Variants in MAOB observed in about 807,000 individuals in gnomAD.
MAOB encodes amine oxidase [flavin-containing] B.
A neutral mutation model predicts 41.9 loss-of-function variants in MAOB; 15 were observed. The ratio of observed to expected loss-of-function variants is 0.36; its 90% CI spans 0.24 to 0.55. The LOEUF (loss-of-function observed/expected upper bound fraction) is 0.55, where lower values mean the gene tolerates loss of function less well. MAOB is among the 20% of genes least tolerant of loss of function. The pLI, the probability that MAOB is intolerant of heterozygous loss-of-function variation, is 0.86. For missense variants in MAOB, 345 were observed against 398.7 expected (o/e 0.87, Z 1.15); for synonymous variants, 167 against 144.2 (o/e 1.16, Z -1.13).
intron 12 of MAOB, among the ~76,000 whole-genome samples, chrX:43,773,574 C>T (rs1440800029): frequency 1.8e-5 from 2 of 112,568 alleles, no homozygotes; most frequent in East Asian, 2.8e-4. Flanking sequence ...TACGATTTGG[C>T]TCTGTGTCCC....
At chrX:43,859,072 A>C (rs1408869804) in intron 1 of MAOB, among the ~76,000 whole-genome samples, 1 of 111,403 alleles carries the variant, frequency 9.0e-6, no homozygotes, top group African/African-American at 3.3e-5. Context: ...AAGTATCAGA[A>C]GAAGACCTGG....
rs2034116153 is a variant in MAOB, at chrX:43,766,678, G to C, written c.*788C>G. On this transcript the variant is annotated 3_prime_UTR_variant, in exon 15 of 15. Coordinates refer to ENST00000378069, the MANE Select transcript of MAOB (RefSeq NM_000898.5). ...GTCCTTTGTATGAAGATACAATGGA[G>C]GATACAAAAGGAAGAAGAGATAAAA... The C allele has an allele frequency of 8.9e-6, 1 of 111,736 alleles. No homozygotes were observed. The highest frequency in any genetic ancestry group is 1.9e-5 in the Non-Finnish European group (1 of 53,198). 9.2% of individuals were successfully genotyped at this position (111,736 alleles called of 1,213,427 possible).
At chrX:43,790,029 C>T (rs1177205492) in intron 8 of MAOB, among the ~76,000 whole-genome samples, 1 of 111,968 alleles carries the variant, frequency 8.9e-6, no homozygotes, top group Non-Finnish European at 1.9e-5. Context: ...CCAAGCCACA[C>T]TGAACTTGTG....
rs1402165831 is a variant in MAOB, at chrX:43,775,186, A to G, written c.1224T>C (p.Thr408=). 2.5e-6 allele frequency: 3 copies of G among 1,190,558 alleles called. No individual in the cohort carries two copies. In the African/African-American group the frequency reaches 5.4e-5, roughly 22 times the overall value. ...YTTYFPPGIL[T]QYGRVLRQPV... ...TGCTTTTACTCTACCTTCCATATTG[A>G]GTCAGGATCCCAGGGGGGAAATAAG... The change falls in exon 12 of 15, where the codon ACT becomes ACC. Residue 408 remains threonine (T), a synonymous_variant. Coordinates refer to ENST00000378069, the MANE Select transcript of MAOB (RefSeq NM_000898.5).
At chrX:43,860,620 C>G (rs2035325489) in intron 1 of MAOB, among the ~76,000 whole-genome samples, 2 of 111,651 alleles carry the variant, frequency 1.8e-5, no homozygotes, top group Non-Finnish European at 3.8e-5. Context: ...TCTTGCCTTT[C>G]TAAGATATCA....
chrX:43,785,908 A>C (rs1174870907), intron 8 of MAOB, among the ~76,000 whole-genome samples: 1 of 112,121 alleles, frequency 8.9e-6, no homozygotes, highest in Non-Finnish European at 1.9e-5. Flanking sequence ...CTGATCACAG[A>C]TCACCATGAC....
In MAOB at chrX:43,767,018, T is replaced by G. The variant is rs1223303218; in HGVS notation, c.*448A>C. 1 of 114,794 alleles carries G rather than the reference T, an allele frequency of 8.7e-6. No homozygotes were observed. The highest frequency in any genetic ancestry group is 9.3e-5 in the Admixed American group (1 of 10,708). 9.5% of individuals were successfully genotyped at this position (114,794 alleles called of 1,213,427 possible). On this transcript the variant is annotated 3_prime_UTR_variant, in exon 15 of 15. Coordinates refer to ENST00000378069, the MANE Select transcript of MAOB (RefSeq NM_000898.5). Reference sequence around the variant, plus strand: ...CAACTCTAAAACAGAAGGTGAGGACTAAATGGTCTTTACTGTCTTTCAGCT... The same window carrying G: ...CAACTCTAAAACAGAAGGTGAGGACGAAATGGTCTTTACTGTCTTTCAGCT...
chrX:43,788,878 A>C (rs1026514209), intron 8 of MAOB, among the ~76,000 whole-genome samples: 81 of 111,334 alleles, frequency 7.3e-4, no homozygotes, highest in African/African-American at 2.5e-3. Flanking sequence ...TTCTCTCTAC[A>C]TATATATAGG....
intron 1 of MAOB, among the ~76,000 whole-genome samples, chrX:43,856,202 GC>G (rs1478652501): frequency 1.8e-5 from 2 of 110,665 alleles, no homozygotes; most frequent in East Asian, 5.6e-4. Context: ...TCCTGCCTCA[GC>G]CTCCTGAGTA....
intron 3 of MAOB, among the ~76,000 whole-genome samples, chrX:43,825,121 C>T (rs1318720936): frequency 8.9e-6 from 1 of 112,434 alleles, no homozygotes; most frequent in East Asian, 2.8e-4. Flanking sequence ...TCCAACTCTG[C>T]CTTCAGGGAC....
At position 43,830,918 on chromosome X, in the gene MAOB, CCTT is replaced by C. The variant is rs757724049; in HGVS notation, c.279+7947_279+7949del. 1.2e-3 allele frequency among the ~76,000 whole-genome samples: 134 copies of C among 111,025 alleles called. 1 individual carries two copies. Among genetic ancestry groups the C allele is most frequent in the Middle Eastern group, 4.7e-3 (1 of 215 alleles). On this transcript the variant is annotated intron_variant, in intron 3 of 14. Coordinates refer to ENST00000378069, the MANE Select transcript of MAOB (RefSeq NM_000898.5). ...TACTAAGTGGGACAGGTACAAACATCCTTCTTTTCAACAGAGATATCAAAACAC... is the reference window on the plus strand; with the variant it reads ...TACTAAGTGGGACAGGTACAAACATCCTTTTCAACAGAGATATCAAAACAC...
At chrX:43,781,071 A>C (rs1228135581) in intron 9 of MAOB, among the ~76,000 whole-genome samples, 1 of 110,840 alleles carries the variant, frequency 9.0e-6, no homozygotes, top group Admixed American at 9.7e-5. Flanking sequence ...TCAGCATCTC[A>C]TTTAAGTAAC....
At chrX:43,785,040 C>T (rs968091214) in intron 8 of MAOB, among the ~76,000 whole-genome samples, 1 of 112,273 alleles carries the variant, frequency 8.9e-6, no homozygotes, top group African/African-American at 3.2e-5. Context: ...CCCAGCTACA[C>T]GGGAGGCTGA....
At chrX:43,785,924 T>C (rs1299115685) in intron 8 of MAOB, among the ~76,000 whole-genome samples, 1 of 111,947 alleles carries the variant, frequency 8.9e-6, no homozygotes, top group Non-Finnish European at 1.9e-5. Flanking sequence ...ATGACAAACA[T>C]AATAATAATG....
intron 3 of MAOB, among the ~76,000 whole-genome samples, chrX:43,823,095 C>T (rs776940082): frequency 9.2e-6 from 1 of 108,456 alleles, no homozygotes; most frequent in African/African-American, 3.4e-5. Flanking sequence ...TAGTAAATAG[C>T]GAGTTCAGAA....
chrX:43,817,061 C>A (rs2034823131), intron 3 of MAOB, among the ~76,000 whole-genome samples: 1 of 110,183 alleles, frequency 9.1e-6, no homozygotes, highest in Middle Eastern at 4.2e-3. Context: ...CCTCCTCCTC[C>A]TCCTTTTCTC....
intron 10 of MAOB, among the ~76,000 whole-genome samples, chrX:43,779,046 T>C (rs2147123479): frequency 8.9e-6 from 1 of 111,784 alleles, no homozygotes; most frequent in East Asian, 2.8e-4. Context: ...ATGAACAAAA[T>C]GTTTCTGAAA....
chrX:43,858,696 G>A (rs764513654), intron 1 of MAOB, among the ~76,000 whole-genome samples: 5 of 110,802 alleles, frequency 4.5e-5, no homozygotes, highest in Non-Finnish European at 7.5e-5. Flanking sequence ...GGCAGGCTAG[G>A]AGAAGGCAGA....
At chrX:43,848,489 AG>A (rs1355984379) in intron 1 of MAOB, among the ~76,000 whole-genome samples, 1 of 110,169 alleles carries the variant, frequency 9.1e-6, no homozygotes, top group Non-Finnish European at 1.9e-5. Flanking sequence ...TAAACTATAT[AG>A]GCATTCCCTT....
Sources: gnomAD v4.1 joint callset for allele counts (sites outside exome capture counted in the v4.1 genomes callset) on GRCh38, gnomAD v4.1.1 for gene constraint, MANE v1.5 for transcripts, NCBI Gene and HGNC (gene_info 2026-07-23, HGNC 2026-07-21) for gene names.